The following WDPCP variants were observed in gnomAD, a reference collection of about 807,000 sequenced individuals.
The protein encoded by WDPCP is WD repeat-containing and planar cell polarity effector protein fritz homolog.
A neutral mutation model predicts 93.1 loss-of-function variants in WDPCP; 71 were observed. The observed-to-expected ratio is 0.76, with a 90% CI of 0.63 to 0.93. The LOEUF is 0.93. WDPCP is among the 40% of genes least tolerant of loss of function. The pLI is 0.00. For missense variants in WDPCP, 844 were observed against 887.4 expected, an observed-to-expected ratio of 0.95 and a Z score of 0.62; for synonymous variants, 315 against 315.0, an observed-to-expected ratio of 1.00 and a Z score of 0.00.
chr2:63,516,349 T>C (rs1165245260), intron 1 of WDPCP, among the ~76,000 whole-genome samples: 2 of 152,178 alleles, frequency 1.3e-5, no homozygotes, highest in Non-Finnish European at 2.9e-5. Flanking sequence ...TTTTGAAATA[T>C]ACAATAGATT....
chr2:63,831,996 T>C (rs959151833), upstream of WDPCP, among the ~76,000 whole-genome samples: 2 of 152,198 alleles, frequency 1.3e-5, no homozygotes, highest in African/African-American at 2.4e-5. Context: ...GTTTGAGTGG[T>C]TTGAGTTTTC....
At chr2:63,638,026 A>G (rs1405368527) in intron 3 of WDPCP, among the ~76,000 whole-genome samples, 2 of 152,210 alleles carry the variant, frequency 1.3e-5, no homozygotes, top group Admixed American at 6.5e-5. Context: ...GGATTTTATC[A>G]ATGGATAAAA....
chr2:63,271,858 G>A (rs1682685058), intron 13 of WDPCP, among the ~76,000 whole-genome samples: 1 of 152,134 alleles, frequency 6.6e-6, no homozygotes, highest in Non-Finnish European at 1.5e-5. Context: ...TGGGAGACAG[G>A]AAACTGGCTT....
intron 3 of WDPCP, among the ~76,000 whole-genome samples, chr2:63,650,292 GC>G (rs926875809): frequency 2.0e-5 from 3 of 152,216 alleles, no homozygotes; most frequent in African/African-American, 7.2e-5. Context: ...CACTGTTGGG[GC>G]CTGAGAATTG....
At chr2:63,594,464 G>A (rs1202608984) in intron 3 of WDPCP, 9 of 1,530,698 alleles carry the variant, frequency 5.9e-6, no homozygotes, top group Non-Finnish European at 7.2e-6. Flanking sequence ...ACTTAAAGAT[G>A]TTAATGGGTC....
chr2:63,355,427 GC>G, intron 12 of WDPCP, among the ~76,000 whole-genome samples: 1 of 152,290 alleles, frequency 6.6e-6, no homozygotes, highest in Middle Eastern at 3.4e-3. Flanking sequence ...CACCAGGCCT[GC>G]CTTACAAGAG....
intron 12 of WDPCP, among the ~76,000 whole-genome samples, chr2:63,365,240 A>C (rs1367856078): frequency 6.6e-6 from 1 of 152,198 alleles, no homozygotes; most frequent in Non-Finnish European, 1.5e-5. Flanking sequence ...GTGCTGACCT[A>C]GCAAGGTCTC....
At chr2:63,291,055 G>A (rs1008015105) in intron 13 of WDPCP, among the ~76,000 whole-genome samples, 3 of 151,918 alleles carry the variant, frequency 2.0e-5, no homozygotes, top group Non-Finnish European at 2.9e-5. Flanking sequence ...CTCATTTTTT[G>A]AAATATTTTT....
At chr2:63,734,177 CTTTAA>C (rs1003360892) in intron 2 of WDPCP, among the ~76,000 whole-genome samples, 2 of 151,890 alleles carry the variant, frequency 1.3e-5, no homozygotes, top group African/African-American at 4.8e-5. Context: ...TTTAAATTTC[CTTTAA>C]TTTTTTTCTA....
intron 6 of WDPCP, among the ~76,000 whole-genome samples, chr2:63,460,244 G>C (rs959656825): frequency 1.3e-5 from 2 of 151,982 alleles, no homozygotes; most frequent in African/African-American, 4.8e-5. Flanking sequence ...AGAAAGACAG[G>C]TACTACATGT....
chr2:63,259,150 T>C (rs937189937), intron 14 of WDPCP, among the ~76,000 whole-genome samples, 157 bp downstream of exon 14: 1 of 152,200 alleles, frequency 6.6e-6, no homozygotes, highest in African/African-American at 2.4e-5. Flanking sequence ...GTATCAACAT[T>C]GTGCTGTTTG....
chr2:63,722,810 C>T (rs1214500476), intron 2 of WDPCP, among the ~76,000 whole-genome samples: 1 of 152,068 alleles, frequency 6.6e-6, no homozygotes, highest in African/African-American at 2.4e-5. Context: ...GAGAACGGGC[C>T]AGGATGACAA....
At chr2:63,144,442 G>C (rs1401909216) in intron 17 of WDPCP, among the ~76,000 whole-genome samples, 1 of 152,068 alleles carries the variant, frequency 6.6e-6, no homozygotes, top group Non-Finnish European at 1.5e-5. Context: ...TTTTAGTAGA[G>C]ATGGGGTTTC....
intron 2 of WDPCP, among the ~76,000 whole-genome samples, chr2:63,666,505 T>G (rs552550777): frequency 7.9e-5 from 12 of 152,228 alleles, no homozygotes; most frequent in African/African-American, 1.4e-4. Flanking sequence ...GCTTTATTCC[T>G]TTTCAAACTT....
At chr2:63,504,845 A>C (rs1319586940) in intron 1 of WDPCP, among the ~76,000 whole-genome samples, 1 of 152,082 alleles carries the variant, frequency 6.6e-6, no homozygotes, top group African/African-American at 2.4e-5. Flanking sequence ...TGATGTATCT[A>C]AATATCAGAT....
intron 2 of WDPCP, among the ~76,000 whole-genome samples, chr2:63,701,025 A>G (rs1276009051): frequency 6.6e-6 from 1 of 152,204 alleles, no homozygotes; most frequent in African/African-American, 2.4e-5. Flanking sequence ...ATGAGATTAC[A>G]TCAACCTTCT....
intron 1 of WDPCP, among the ~76,000 whole-genome samples, chr2:63,564,931 C>T (rs990605091): frequency 2.6e-5 from 4 of 152,058 alleles, no homozygotes; most frequent in Admixed American, 1.3e-4. Context: ...GCGCGTGCCA[C>T]CATACCTGGC....
At chr2:63,633,370 A>G (rs769055328) in intron 3 of WDPCP, among the ~76,000 whole-genome samples, 3 of 152,236 alleles carry the variant, frequency 2.0e-5, no homozygotes, top group Non-Finnish European at 4.4e-5. Flanking sequence ...AGACAAAAGC[A>G]TTAAAAATAA....
At chr2:63,632,336 A>G (rs1709873117) in intron 3 of WDPCP, among the ~76,000 whole-genome samples, 1 of 152,216 alleles carries the variant, frequency 6.6e-6, no homozygotes, top group Non-Finnish European at 1.5e-5. Flanking sequence ...ACACAATACC[A>G]CCAGAGGAAC....
Sources: allele counts gnomAD v4.1 joint callset (sites outside exome capture counted in the v4.1 genomes callset), GRCh38; gene constraint gnomAD v4.1.1; transcripts MANE v1.5; gene names NCBI Gene and HGNC (gene_info 2026-07-23, HGNC 2026-07-21).